The following SLC47A1 variants were observed in gnomAD, a reference collection of about 807,000 sequenced individuals.
The protein encoded by SLC47A1 is multidrug and toxin extrusion protein 1.
In SLC47A1, 58 loss-of-function variants were observed where a neutral mutation model predicts 65.8. The ratio of observed to expected loss-of-function variants is 0.88; its 90% CI spans 0.71 to 1.10. The LOEUF (loss-of-function observed/expected upper bound fraction) is 1.10. Among genes scored for constraint, SLC47A1 ranks in the 50% least tolerant of loss-of-function variants. SLC47A1 has a pLI of 0.00. For synonymous variants in SLC47A1, 285 were observed against 295.0 expected (o/e 0.97, Z 0.35); for missense variants, 706 against 719.2 (o/e 0.98, Z 0.21).
chr17:19,577,230 C>T lies in SLC47A1; in HGVS notation c.1487-97C>T, dbSNP rs1597516934. ...AGCAATAGTGTCCTGAATTAACTTT[C>T]TCTCCACTATTAGCACATATTCCTT... is the stretch of plus-strand genomic sequence containing the variant. On this transcript the variant is annotated intron_variant, in intron 16 of 16. Transcript: ENST00000270570. The T allele has an allele frequency of 2.0e-6, 3 of 1,492,234 alleles. No individual in the cohort carries two copies. The East Asian group carries it at 6.9e-5, about 34-fold the overall frequency. 92.4% of individuals were successfully genotyped at this position (1,492,234 alleles called of 1,614,324 possible).
rs1209071431 is a variant in SLC47A1, at chr17:19,567,199, T to G, written c.1280T>G (p.Leu427Arg). 1 of 1,614,102 alleles carries G rather than the reference T, an allele frequency of 6.2e-7. No homozygotes were observed. The highest frequency in any genetic ancestry group is 2.2e-5 in the East Asian group (1 of 44,894). ...GTTGGCCTCCCCATCGGGATCGCGCTGATGTTTGCAACCACACTTGGAGTG... is the reference window on the plus strand; with the variant it reads ...GTTGGCCTCCCCATCGGGATCGCGCGGATGTTTGCAACCACACTTGGAGTG... ...YVVGLPIGIA[L>R]MFATTLGVMG... Residue 427 changes from leucine to arginine, a missense_variant, in exon 14 of 17, where the codon CTG becomes CGG. Transcript: ENST00000270570.
intron 3 of SLC47A1, among the ~76,000 whole-genome samples, chr17:19,546,739 AT>A (rs1916301553): frequency 6.6e-6 from 1 of 152,134 alleles, no homozygotes; most frequent in Non-Finnish European, 1.5e-5. Context: ...AATAGGGGAC[AT>A]TTTGTAAAAT....
chr17:19,569,288 C>G (rs9747673), intron 14 of SLC47A1, among the ~76,000 whole-genome samples: 5,515 of 151,948 alleles, frequency 0.036, 297 homozygotes, highest in African/African-American at 0.11. Context: ...ACAAGAATTG[C>G]TTGAACCCGG....
intron 12 of SLC47A1, among the ~76,000 whole-genome samples, chr17:19,561,503 C>T (rs1201868097): frequency 2.0e-5 from 3 of 151,798 alleles, no homozygotes; most frequent in South Asian, 2.1e-4. Flanking sequence ...ATTAGCTGGG[C>T]GTGGTGGCGG....
chr17:19,541,605 T>C (rs1440761390), intron 1 of SLC47A1, among the ~76,000 whole-genome samples: 1 of 152,210 alleles, frequency 6.6e-6, no homozygotes, highest in Non-Finnish European at 1.5e-5. Context: ...TGTTTCACCC[T>C]GAGAGTCCGG....
Position 19,578,004 on chromosome 17 carries a change from CG to C in SLC47A1, c.*453del, listed in dbSNP as rs1207459874. 17 of 1,266,476 alleles carry C rather than the reference CG, an allele frequency of 1.3e-5. No homozygotes were observed. Among genetic ancestry groups the C allele is most frequent in the Non-Finnish European group, 1.8e-5 (17 of 970,180 alleles). 78.5% of individuals were successfully genotyped at this position (1,266,476 alleles called of 1,614,324 possible). The stretch of plus-strand genomic sequence containing the variant: ...TTGTTTTAATTTTTTTTTTAATAGA[CG>C]GAAGTCTTGCTCTGTCATGCAGGCT... On this transcript the variant is annotated 3_prime_UTR_variant, in exon 17 of 17. Transcript: ENST00000270570.
intron 10 of SLC47A1, among the ~76,000 whole-genome samples, chr17:19,558,784 G>C (rs1375549831): frequency 6.6e-6 from 1 of 152,126 alleles, no homozygotes; most frequent in East Asian, 1.9e-4. Flanking sequence ...GTACCTGCCA[G>C]GTTTCTCCTG....
intron 6 of SLC47A1, among the ~76,000 whole-genome samples, chr17:19,554,078 G>A (rs180681157): frequency 1.3e-5 from 2 of 152,298 alleles, no homozygotes; most frequent in Admixed American, 1.3e-4. Context: ...TTGCAGTTGT[G>A]TTTATTGGCC....
chr17:19,556,465 TGCCC>T (rs1916615094), intron 10 of SLC47A1, among the ~76,000 whole-genome samples: 1 of 152,134 alleles, frequency 6.6e-6, no homozygotes, highest in Admixed American at 6.5e-5. Flanking sequence ...TGTGTCACTA[TGCCC>T]GCTCCTGCCT....
rs1292184780 is a variant in SLC47A1, at chr17:19,567,334, C to G, written c.1309+106C>G. On this transcript the variant is annotated intron_variant, in intron 14 of 16. Coordinates refer to ENST00000270570, the MANE Select transcript of SLC47A1 (RefSeq NM_018242.3). ...GAGGCTCACCTCTGAAACTCGGGAG[C>G]TCGCCCACGTCCATTCTGTGTCTTG... 6 of 1,494,956 alleles carry G rather than the reference C, an allele frequency of 4.0e-6. No homozygotes were observed. In the African/African-American group the frequency reaches 6.9e-5, roughly 17 times the overall value. 92.6% of individuals were successfully genotyped at this position (1,494,956 alleles called of 1,614,324 possible). A position where few individuals can be genotyped will look rare whatever the true frequency, so the allele number is the denominator to read the frequency against.
intron 16 of SLC47A1, among the ~76,000 whole-genome samples, chr17:19,575,132 GCGAT>G (rs1472310099): frequency 1.4e-5 from 2 of 141,044 alleles, no homozygotes; most frequent in Non-Finnish European, 3.1e-5. Flanking sequence ...GTGCAGTGGT[GCGAT>G]CAAGGTTCAC....
intron 2 of SLC47A1, among the ~76,000 whole-genome samples, chr17:19,543,132 C>T (rs867894130): frequency 4.8e-5 from 6 of 125,672 alleles, no homozygotes; most frequent in South Asian, 2.6e-4. Context: ...TTTTTTCAGA[C>T]GGAGTCTTGC....
intron 1 of SLC47A1, chr17:19,534,782 T>C (rs2152311304): frequency 6.6e-6 from 1 of 152,326 alleles, no homozygotes; most frequent in Admixed American, 6.5e-5. Flanking sequence ...TTCTTTTTAA[T>C]CATTAGGTTA....
chr17:19,535,872 T>G (rs1915975587), intron 1 of SLC47A1, among the ~76,000 whole-genome samples: 1 of 152,194 alleles, frequency 6.6e-6, no homozygotes, highest in Non-Finnish European at 1.5e-5. Flanking sequence ...CTCTGCATAT[T>G]CATTTGTAAA....
At chr17:19,537,290 G>A (rs1055748776) in intron 1 of SLC47A1, among the ~76,000 whole-genome samples, 2 of 152,074 alleles carry the variant, frequency 1.3e-5, no homozygotes, top group Admixed American at 6.6e-5. Flanking sequence ...GGTGAGGTGG[G>A]GGATCTGGAG....
chr17:19,566,960 T>C (rs117125677), intron 13 of SLC47A1, 101 bp downstream of exon 13: 15 of 1,587,946 alleles, frequency 9.4e-6, no homozygotes, highest in Non-Finnish European at 1.3e-5. Flanking sequence ...AGATTGAATA[T>C]TGTTACCACA....
intron 16 of SLC47A1, among the ~76,000 whole-genome samples, chr17:19,575,760 T>C (rs1472924059): frequency 1.3e-5 from 2 of 152,128 alleles, no homozygotes; most frequent in African/African-American, 4.8e-5. Context: ...CATTATCTGC[T>C]TGAAACTGTT....
chr17:19,551,447 A>T lies in SLC47A1; in HGVS notation c.522A>T (p.Gln174His). 6.2e-7 allele frequency: 1 copy of T among 1,609,956 alleles called. No individual in the cohort carries two copies. ...ALPATFLYML[Q>H]VKYLLNQGIV... Reference sequence around the variant, plus strand: ...AGGCAACCTTTCTTTATATGTTACAAGTTAAATATTTGCTCAACCAGGTAA... The same window carrying T: ...AGGCAACCTTTCTTTATATGTTACATGTTAAATATTTGCTCAACCAGGTAA... Residue 174 changes from glutamine (Q) to histidine (H), a missense_variant, in exon 6 of 17, where the codon CAA (glutamine) becomes CAT (histidine). Transcript: ENST00000270570.
rs767003150 is a variant in SLC47A1 at position 19,542,374 on chromosome 17, C to T, written c.136-19C>T. ...AATGGTGGTCACTCACGTCCCTTCC[C>T]GTTCCCCTCTCTTCCCAGTTCTTGG... is the stretch of plus-strand genomic sequence containing the variant. On this transcript the variant is annotated intron_variant, in intron 1 of 16. Coordinates refer to ENST00000270570, the MANE Select transcript of SLC47A1 (RefSeq NM_018242.3). 216 of 1,582,256 alleles carry T rather than the reference C, an allele frequency of 1.4e-4. No individual in the cohort carries two copies. Among genetic ancestry groups the T allele is most frequent in the East Asian group, 9.1e-5 (4 of 43,804 alleles).
Sources: gnomAD v4.1 joint callset for allele counts (sites outside exome capture counted in the v4.1 genomes callset) on GRCh38, gnomAD v4.1.1 for gene constraint, MANE v1.5 for transcripts, NCBI Gene and HGNC (gene_info 2026-07-23, HGNC 2026-07-21) for gene names.